Variants in ZNF813 observed in about 807,000 individuals in gnomAD.
The protein encoded by ZNF813 is zinc finger protein 813.
ZNF813 carries 3 observed loss-of-function variants against 7.2 expected under a neutral mutation model. The ratio of observed to expected loss-of-function variants is 0.42; its 90% CI spans 0.19 to 1.08. The LOEUF (loss-of-function observed/expected upper bound fraction) is 1.08, where lower values mean the gene tolerates loss of function less well. Ranked by LOEUF, ZNF813 falls within the 50% of genes least tolerant of loss-of-function variation. The pLI is 0.30. For missense variants in ZNF813, 714 were observed against 753.3 expected, an observed-to-expected ratio of 0.95 and a Z score of 0.61; for synonymous variants, 227 against 256.3, an observed-to-expected ratio of 0.89 and a Z score of 1.09.
intron 3 of ZNF813, among the ~76,000 whole-genome samples, chr19:53,487,797 CAAA>C (rs35942754): frequency 2.3e-5 from 3 of 130,078 alleles, no homozygotes; most frequent in African/African-American, 2.8e-5. Context: ...GACTCTGTCT[CAAA>C]AAAAAAAAAA....
Position 53,483,429 on chromosome 19 carries a change from C to G in ZNF813, c.-73-321C>G, listed in dbSNP as rs144435965. Among the ~76,000 whole-genome samples, 1,455 of 152,262 alleles carry G rather than the reference C, an allele frequency of 9.6e-3. 17 individuals carry two copies. The highest frequency in any genetic ancestry group is 0.013 in the Non-Finnish European group (914 of 68,014). ...GGTCTCAAACCTGAGCTCAAGAGATCTACGCACCTCGGCCTCCCAGAGTGC... is the reference window on the plus strand; with the variant it reads ...GGTCTCAAACCTGAGCTCAAGAGATGTACGCACCTCGGCCTCCCAGAGTGC... On this transcript the variant is annotated intron_variant, in intron 1 of 3. Transcript: ENST00000396403.
At chr19:53,486,378 T>G (rs1600113392) in intron 2 of ZNF813, among the ~76,000 whole-genome samples, 1 of 148,552 alleles carries the variant, frequency 6.7e-6, no homozygotes, top group Admixed American at 6.8e-5. Flanking sequence ...TCCTGGGAGG[T>G]GGAGGTTGCA....
chr19:53,471,148 C>A (rs4803133), intron 1 of ZNF813, among the ~76,000 whole-genome samples: 2 of 151,928 alleles, frequency 1.3e-5, no homozygotes, highest in Non-Finnish European at 2.9e-5. Context: ...GACAGGATAC[C>A]TTCAAGTTTC....
At chr19:53,478,639 G>A (rs1356521585) in intron 1 of ZNF813, among the ~76,000 whole-genome samples, 9 of 152,172 alleles carry the variant, frequency 5.9e-5, no homozygotes, top group South Asian at 4.1e-4. Context: ...TTAGGCAGGC[G>A]TGGTGGTGTG....
chr19:53,473,956 A>G (rs2086370996), intron 1 of ZNF813, among the ~76,000 whole-genome samples: 1 of 152,210 alleles, frequency 6.6e-6, no homozygotes, highest in Non-Finnish European at 1.5e-5. Flanking sequence ...TAGCTGCTTA[A>G]CGTCTGGTTC....
At chr19:53,485,910 G>GTGTT (rs2086431698) in intron 2 of ZNF813, among the ~76,000 whole-genome samples, 1 of 151,950 alleles carries the variant, frequency 6.6e-6, no homozygotes, top group African/African-American at 2.4e-5. Flanking sequence ...GTTTGTTTGT[G>GTGTT]TGTTTGTTTT....
At position 53,493,437 on chromosome 19, in the gene ZNF813, ATTTCTTTAAG is replaced by A. The variant is rs1483232577; in HGVS notation, c.*1354_*1363del. Reference sequence around the variant, plus strand: ...TTCTCACCTTTTTACTTTTATTTCTATTTCTTTAAGTTCTCTAGCAAATGGAAGTGTTTTT... The same window carrying A: ...TTCTCACCTTTTTACTTTTATTTCTATTCTCTAGCAAATGGAAGTGTTTTT... On this transcript the variant is annotated 3_prime_UTR_variant, in exon 4 of 4. Transcript: ENST00000396403. 6.6e-6 allele frequency: 1 copy of A among 151,774 alleles called. No individual in the cohort carries two copies. Among genetic ancestry groups the A allele is most frequent in the African/African-American group, 2.4e-5 (1 of 41,102 alleles). The allele number at this position is 151,774 out of a possible 1,614,324, so 9.4% of individuals were successfully genotyped here. A position where few individuals can be genotyped will look rare whatever the true frequency, so the allele number is the denominator to read the frequency against.
chr19:53,483,856 T>C lies in ZNF813; in HGVS notation c.15+19T>C. 6.2e-7 allele frequency: 1 copy of C among 1,613,886 alleles called. No homozygotes were observed. Among genetic ancestry groups the C allele is most frequent in the Non-Finnish European group, 8.5e-7 (1 of 1,179,990 alleles). ...TCCTCAGGTGAGATGATATTTTTGG[T>C]GGATTGTTCTGTCTCCTTCCCCTCA... is the stretch of plus-strand genomic sequence containing the variant. On this transcript the variant is annotated intron_variant, in intron 2 of 3. Transcript: ENST00000396403.
Position 53,486,698 on chromosome 19 carries a change from G to T in ZNF813, c.82G>T (p.Ala28Ser). ...GGAGGAGTGGAAATGCCTGGACCCTGCTCAGAGGACTCTATACAGGGACGT... is the reference window on the plus strand; with the variant it reads ...GGAGGAGTGGAAATGCCTGGACCCTTCTCAGAGGACTCTATACAGGGACGT... ...SQEEWKCLDP[A>S]QRTLYRDVML... is the part of the protein sequence containing the mutation. The change falls in exon 3 of 4, where the codon GCT (alanine) becomes TCT (serine). Residue 28 changes from alanine (A) to serine (S), a missense_variant. Coordinates refer to ENST00000396403, the MANE Select transcript of ZNF813 (RefSeq NM_001004301.4). The T allele has an allele frequency of 6.2e-7, 1 of 1,614,134 alleles. No individual in the cohort carries two copies. Among genetic ancestry groups the T allele is most frequent in the Non-Finnish European group, 8.5e-7 (1 of 1,179,976 alleles).
chr19:53,469,642 A>G (rs2086346030), intron 1 of ZNF813, among the ~76,000 whole-genome samples: 1 of 152,034 alleles, frequency 6.6e-6, no homozygotes, highest in Non-Finnish European at 1.5e-5. Context: ...ACAGCAAGGT[A>G]GGGAGAGGGG....
chr19:53,489,477 C>T (rs1030448442), intron 3 of ZNF813, among the ~76,000 whole-genome samples: 3 of 151,858 alleles, frequency 2.0e-5, no homozygotes, highest in African/African-American at 4.8e-5. Context: ...TGGCATGTGC[C>T]TATTATCCCA....
chr19:53,484,302 G>T (rs1226078692), intron 2 of ZNF813, among the ~76,000 whole-genome samples: 1 of 152,122 alleles, frequency 6.6e-6, no homozygotes, highest in Non-Finnish European at 1.5e-5. Flanking sequence ...TTAGTTTTTT[G>T]AGTGAGTTAC....
At chr19:53,487,699 A>G (rs542865149) in intron 3 of ZNF813, among the ~76,000 whole-genome samples, 6 of 151,650 alleles carry the variant, frequency 4.0e-5, no homozygotes, top group Admixed American at 2.6e-4. Flanking sequence ...TCAAGAGGCT[A>G]AGGCAGGAGA....
intron 1 of ZNF813, among the ~76,000 whole-genome samples, chr19:53,472,584 A>G (rs1255515090): frequency 1.4e-5 from 2 of 147,202 alleles, no homozygotes; most frequent in African/African-American, 5.0e-5. Context: ...AATTGAGTAG[A>G]TGGTCTGATT....
At chr19:53,483,678 G>T (rs1490352981) in intron 1 of ZNF813, 72 bp from the exon 2 acceptor site, 5 of 1,440,988 alleles carry the variant, frequency 3.5e-6, no homozygotes, top group Non-Finnish European at 4.7e-6. Flanking sequence ...GGTCTCCTTT[G>T]TATGTGTTGT....
In ZNF813 at chr19:53,472,607, C is replaced by CTTTTTTTTTT. The variant is rs200658542; in HGVS notation, c.-74+4821_-74+4822insTTTTTTTTTT. On this transcript the variant is annotated intron_variant, in intron 1 of 3. Coordinates refer to ENST00000396403, the MANE Select transcript of ZNF813 (RefSeq NM_001004301.4). ...AGATGGTCTGATTATAAGTACAAGTCTTTCTTTTTTTTTTTTTTTTTTGAG... is the reference window on the plus strand; with the variant it reads ...AGATGGTCTGATTATAAGTACAAGTCTTTTTTTTTTTTTCTTTTTTTTTTTTTTTTTTGAG... Among the ~76,000 whole-genome samples, 454 of 136,384 alleles carry CTTTTTTTTTT rather than the reference C, an allele frequency of 3.3e-3. 36 individuals are homozygous for CTTTTTTTTTT. The highest frequency in any genetic ancestry group is 8.5e-3 in the Middle Eastern group (2 of 236). 89.5% of individuals were successfully genotyped at this position (136,384 alleles called of 152,430 possible).
rs184731168 is a variant in ZNF813, at chr19:53,481,268, A to G, written c.-73-2482A>G. Among the ~76,000 whole-genome samples, 380 of 150,090 alleles carry G rather than the reference A, an allele frequency of 2.5e-3. 3 individuals carry two copies. Among genetic ancestry groups the G allele is most frequent in the African/African-American group, 8.7e-3 (355 of 40,612 alleles). On this transcript the variant is annotated intron_variant, in intron 1 of 3. Coordinates refer to ENST00000396403, the MANE Select transcript of ZNF813 (RefSeq NM_001004301.4). The stretch of plus-strand genomic sequence containing the variant: ...CCTGGCATGTTCCAAGACTCTTTTT[A>G]TATTATGTCAGACTAGCAAGCCCTG...
chr19:53,475,042 G>A (rs536620037), intron 1 of ZNF813, among the ~76,000 whole-genome samples: 1 of 152,220 alleles, frequency 6.6e-6, no homozygotes, highest in African/African-American at 2.4e-5. Context: ...CCTCTGCAGT[G>A]CATTATAGCT....
chr19:53,483,947 T>C (rs1353879872), intron 2 of ZNF813, 110 bp downstream of exon 2: 3 of 1,595,684 alleles, frequency 1.9e-6, no homozygotes, highest in South Asian at 1.1e-5. Context: ...ACAGGTTTGC[T>C]CACATTCACC....
Sources: allele counts gnomAD v4.1 joint callset (sites outside exome capture counted in the v4.1 genomes callset), GRCh38; gene constraint gnomAD v4.1.1; transcripts MANE v1.5; gene names NCBI Gene and HGNC (gene_info 2026-07-23, HGNC 2026-07-21).